Variants in ANK2 observed in about 807,000 individuals in gnomAD.
The protein encoded by ANK2 is ankyrin-2.
ANK2 carries 83 observed loss-of-function variants against 360.5 expected under a neutral mutation model. The observed-to-expected ratio is 0.23, with a 90% confidence interval of 0.19 to 0.28. The LOEUF (loss-of-function observed/expected upper bound fraction) is 0.28. ANK2 is among the 10% of genes least tolerant of loss of function. ANK2 has a pLI of 1.00. For synonymous variants in ANK2, 1,740 were observed against 1,759.5 expected (o/e 0.99, Z 0.28); for missense variants, 4,201 against 4,795.7 (o/e 0.88, Z 3.66).
At chr4:113,271,268 A>G (rs2058384542) in intron 14 of ANK2, among the ~76,000 whole-genome samples, 1 of 152,206 alleles carries the variant, frequency 6.6e-6, no homozygotes, top group Non-Finnish European at 1.5e-5. Context: ...GCTTGGGCTC[A>G]TGCGCATTCA....
At chr4:113,348,157 A>G (rs2095081977) in intron 35 of ANK2, 119 bp from the exon 36 acceptor site, 2 of 971,548 alleles carry the variant, frequency 2.1e-6, no homozygotes, top group Non-Finnish European at 3.3e-6. Context: ...TGTTGACTGT[A>G]TGCTTGCCTG....
At chr4:112,780,884 A>G in the ANK2 span, among the ~76,000 whole-genome samples, 1 of 152,356 alleles carries the variant, frequency 6.6e-6, no homozygotes, top group East Asian at 1.9e-4. Flanking sequence ...AATTCAAGAT[A>G]AGATTTGGGT....
intron 2 of ANK2, among the ~76,000 whole-genome samples, chr4:112,994,574 G>C (rs2047909381): frequency 6.6e-6 from 1 of 152,092 alleles, no homozygotes; most frequent in Non-Finnish European, 1.5e-5. Flanking sequence ...AATTCACTGT[G>C]GTATAGACAT....
the ANK2 span, among the ~76,000 whole-genome samples, chr4:112,764,813 T>C: frequency 3.3e-5 from 5 of 151,594 alleles, no homozygotes; most frequent in African/African-American, 1.2e-4. Flanking sequence ...GTTCAAGCGA[T>C]TCTCCTGCCT....
At chr4:112,766,005 C>T in the ANK2 span, among the ~76,000 whole-genome samples, 1 of 152,094 alleles carries the variant, frequency 6.6e-6, no homozygotes, top group African/African-American at 2.4e-5. Flanking sequence ...ATGACTGACA[C>T]AATGTGATAC....
the ANK2 span, among the ~76,000 whole-genome samples, chr4:112,715,994 TTA>T: frequency 3.3e-5 from 5 of 152,190 alleles, no homozygotes; most frequent in Non-Finnish European, 5.9e-5. Context: ...GGCAGTTGGT[TTA>T]TACTAAATGA....
intron 22 of ANK2, among the ~76,000 whole-genome samples, chr4:113,301,777 G>GGT (rs2075147849): frequency 6.6e-6 from 1 of 152,088 alleles, no homozygotes. Context: ...AAAAATCACT[G>GGT]GTATGTCTTG....
intron 1 of ANK2, among the ~76,000 whole-genome samples, chr4:113,098,301 A>T (rs1481643387): frequency 6.6e-6 from 1 of 152,026 alleles, no homozygotes; most frequent in African/African-American, 2.4e-5. Context: ...AAGTTGATAA[A>T]ATTTTAGTCA....
intron 1 of ANK2, among the ~76,000 whole-genome samples, chr4:112,844,194 C>T (rs1196698792): frequency 6.6e-6 from 1 of 152,172 alleles, no homozygotes; most frequent in African/African-American, 2.4e-5. Context: ...TACTTAATAA[C>T]TTACATGATT....
chr4:112,793,348 G>A, the ANK2 span, among the ~76,000 whole-genome samples: 2 of 152,010 alleles, frequency 1.3e-5, no homozygotes, highest in South Asian at 2.1e-4. Context: ...AAGAAATTAA[G>A]GTTTTAATGT....
chr4:113,281,761 A>C (rs796725061), intron 17 of ANK2, among the ~76,000 whole-genome samples: 40 of 152,288 alleles, frequency 2.6e-4, no homozygotes, highest in African/African-American at 8.9e-4. Flanking sequence ...TTAACTAAAC[A>C]TGGGGTATAG....
At chr4:112,956,612 A>G (rs1161056944) in intron 2 of ANK2, among the ~76,000 whole-genome samples, 3 of 152,240 alleles carry the variant, frequency 2.0e-5, no homozygotes, top group Non-Finnish European at 4.4e-5. Flanking sequence ...CCTAAGCAGC[A>G]TGAGATTTCA....
chr4:113,164,789 T>A (rs1215485268), intron 1 of ANK2, among the ~76,000 whole-genome samples: 12 of 152,246 alleles, frequency 7.9e-5, no homozygotes, highest in East Asian at 3.8e-4. Context: ...TGTATCCTAA[T>A]CCTTAAGTAT....
chr4:112,706,167 G>A, the ANK2 span, among the ~76,000 whole-genome samples: 207 of 151,750 alleles, frequency 1.4e-3, no homozygotes, highest in Non-Finnish European at 2.3e-3. Context: ...CACCTCCCCG[G>A]CCCCGGAAGG....
At chr4:113,163,581 A>C (rs953718606) in intron 1 of ANK2, among the ~76,000 whole-genome samples, 2 of 151,776 alleles carry the variant, frequency 1.3e-5, no homozygotes, top group South Asian at 4.2e-4. Context: ...CCTGACCAAC[A>C]TGGAGAAACC....
intron 1 of ANK2, among the ~76,000 whole-genome samples, chr4:113,058,693 G>C (rs935683925): frequency 6.6e-5 from 10 of 152,060 alleles, no homozygotes; most frequent in Admixed American, 4.6e-4. Context: ...GTGCAGAGGG[G>C]TGGCAATACA....
chr4:113,103,320 AG>A (rs2093182645), intron 1 of ANK2, among the ~76,000 whole-genome samples: 1 of 152,170 alleles, frequency 6.6e-6, no homozygotes. Flanking sequence ...CATTCATATA[AG>A]AAAAGCCTTG....
At chr4:113,240,411 T>A (rs1585763003) in intron 7 of ANK2, 74 bp from the exon 8 acceptor site, 2 of 1,131,692 alleles carry the variant, frequency 1.8e-6, no homozygotes, top group East Asian at 4.7e-5. Context: ...CCATGTGACC[T>A]TCTTCACTAA....
chr4:112,950,649 GAAA>G (rs55980674), intron 2 of ANK2, among the ~76,000 whole-genome samples: 1 of 118,778 alleles, frequency 8.4e-6, no homozygotes. Context: ...GTCTCAAAAA[GAAA>G]AAAAAAAAAA....
Sources: gnomAD v4.1 joint callset for allele counts (sites outside exome capture counted in the v4.1 genomes callset) on GRCh38, gnomAD v4.1.1 for gene constraint, MANE v1.5 for transcripts, NCBI Gene and HGNC (gene_info 2026-07-23, HGNC 2026-07-21) for gene names.